GRIK3: variants seen among roughly 807,000 people sequenced by gnomAD.
The protein encoded by GRIK3 is glutamate receptor ionotropic, kainate 3.
A neutral mutation model predicts 102.5 loss-of-function variants in GRIK3; 29 were observed. The observed-to-expected ratio is 0.28, with a 90% CI of 0.21 to 0.39. The LOEUF is 0.39. GRIK3 is among the 10% of genes least tolerant of loss of function. The pLI is 1.00. For synonymous variants in GRIK3, 511 were observed against 504.9 expected (o/e 1.01, Z -0.16); for missense variants, 908 against 1,252.4 (o/e 0.73, Z 4.15).
intron 10 of GRIK3, among the ~76,000 whole-genome samples, chr1:36,826,720 C>T (rs1211692467): frequency 6.6e-6 from 1 of 151,474 alleles, no homozygotes; most frequent in Non-Finnish European, 1.5e-5. Flanking sequence ...GAAGCAAATC[C>T]AGGGCCTTTA....
chr1:36,926,624 C>T (rs11263951), intron 1 of GRIK3, among the ~76,000 whole-genome samples: 2,145 of 152,162 alleles, frequency 0.014, 55 homozygotes, highest in African/African-American at 0.049. Flanking sequence ...CTCCTGACCT[C>T]GTGATCTGTC....
intron 1 of GRIK3, among the ~76,000 whole-genome samples, chr1:37,005,204 A>C (rs1570859784): frequency 6.6e-6 from 1 of 152,150 alleles, no homozygotes; most frequent in African/African-American, 2.4e-5. Flanking sequence ...CTGGGTCCCC[A>C]CCTGATGCCA....
chr1:36,813,167 A>G (rs1398127525), intron 13 of GRIK3, among the ~76,000 whole-genome samples: 1 of 152,182 alleles, frequency 6.6e-6, no homozygotes, highest in Non-Finnish European at 1.5e-5. Context: ...TCTGCATTTC[A>G]CTAGCTGTGG....
intron 1 of GRIK3, among the ~76,000 whole-genome samples, chr1:36,923,703 C>T (rs1248493436): frequency 6.6e-6 from 1 of 152,208 alleles, no homozygotes; most frequent in East Asian, 1.9e-4. Context: ...TCATAGGCTT[C>T]TAGGATAAAT....
At chr1:36,857,017 C>T (rs2124236020) in intron 7 of GRIK3, among the ~76,000 whole-genome samples, 1 of 152,318 alleles carries the variant, frequency 6.6e-6, no homozygotes, top group East Asian at 1.9e-4. Flanking sequence ...GACACACGTG[C>T]CAAAACTCAC....
chr1:36,985,431 G>A (rs1389237059), intron 1 of GRIK3, among the ~76,000 whole-genome samples: 1 of 151,854 alleles, frequency 6.6e-6, no homozygotes, highest in Non-Finnish European at 1.5e-5. Context: ...CATCATTCGG[G>A]GACATGGGCC....
At chr1:36,917,074 C>T (rs1318859365) in intron 1 of GRIK3, among the ~76,000 whole-genome samples, 1 of 152,164 alleles carries the variant, frequency 6.6e-6, no homozygotes, top group East Asian at 1.9e-4. Flanking sequence ...GGGAACTTAC[C>T]TCTTGCATCA....
At chr1:36,969,589 A>G (rs969440731) in intron 1 of GRIK3, among the ~76,000 whole-genome samples, 4 of 152,366 alleles carry the variant, frequency 2.6e-5, no homozygotes, top group African/African-American at 9.6e-5. Flanking sequence ...GAGTAGAGAG[A>G]GTAGAGACCT....
chr1:36,982,113 G>C (rs1217827281), intron 1 of GRIK3, among the ~76,000 whole-genome samples: 1 of 152,192 alleles, frequency 6.6e-6, no homozygotes, highest in Non-Finnish European at 1.5e-5. Context: ...CACTCAGCCA[G>C]GACAGGTTAG....
intron 1 of GRIK3, among the ~76,000 whole-genome samples, chr1:36,943,444 T>C (rs1309478133): frequency 1.3e-5 from 2 of 152,024 alleles, no homozygotes; most frequent in African/African-American, 4.8e-5. Context: ...TCTGACTCCA[T>C]TTCCACCTCT....
intron 3 of GRIK3, among the ~76,000 whole-genome samples, chr1:36,877,445 C>A (rs541837239): frequency 6.6e-6 from 1 of 152,136 alleles, no homozygotes; most frequent in Non-Finnish European, 1.5e-5. Context: ...TCCTTCCAAC[C>A]CTCCCTGTGC....
intron 5 of GRIK3, among the ~76,000 whole-genome samples, chr1:36,868,108 A>G (rs1020884335): frequency 6.6e-6 from 1 of 152,144 alleles, no homozygotes; most frequent in Non-Finnish European, 1.5e-5. Flanking sequence ...TCAGCACCCT[A>G]AGATCTCAGG....
At chr1:36,921,988 G>C (rs1017719946) in intron 1 of GRIK3, among the ~76,000 whole-genome samples, 4 of 152,188 alleles carry the variant, frequency 2.6e-5, no homozygotes, top group African/African-American at 9.7e-5. Flanking sequence ...CCCTTAGAGA[G>C]GCATTTGTTT....
chr1:37,013,540 G>T (rs1475483479), intron 1 of GRIK3, among the ~76,000 whole-genome samples: 1 of 152,182 alleles, frequency 6.6e-6, no homozygotes, highest in Non-Finnish European at 1.5e-5. Flanking sequence ...GGCTCCCTTA[G>T]GGCTCTACAG....
At chr1:36,878,989 G>A (rs996769799) in intron 3 of GRIK3, among the ~76,000 whole-genome samples, 10 of 152,046 alleles carry the variant, frequency 6.6e-5, no homozygotes, top group African/African-American at 2.4e-4. Flanking sequence ...TCCTCACAAG[G>A]ATGACTTAAG....
intron 1 of GRIK3, among the ~76,000 whole-genome samples, chr1:36,944,350 T>C (rs1358676411): frequency 6.6e-6 from 1 of 150,918 alleles, no homozygotes; most frequent in African/African-American, 2.5e-5. Context: ...GAGATAAATA[T>C]CAGAGATGGC....
At chr1:36,836,442 A>G (rs913180372) in intron 10 of GRIK3, among the ~76,000 whole-genome samples, 1 of 152,242 alleles carries the variant, frequency 6.6e-6, no homozygotes, top group Non-Finnish European at 1.5e-5. Context: ...TTGGGACAGC[A>G]GCCAAGTTTA....
intron 1 of GRIK3, among the ~76,000 whole-genome samples, chr1:36,983,716 AC>A (rs146564639): frequency 2.6e-5 from 4 of 151,464 alleles, no homozygotes; most frequent in East Asian, 1.9e-4. Flanking sequence ...GCCCTCCTTG[AC>A]CCCCCCAGTT....
intron 1 of GRIK3, among the ~76,000 whole-genome samples, chr1:36,961,088 TG>T (rs1420843463): frequency 5.9e-5 from 9 of 152,252 alleles, no homozygotes; most frequent in Non-Finnish European, 1.3e-4. Flanking sequence ...ATCCTGTCCC[TG>T]TTTCGCTGGT....
Sources: gnomAD v4.1 joint callset for allele counts (sites outside exome capture counted in the v4.1 genomes callset) on GRCh38, gnomAD v4.1.1 for gene constraint, MANE v1.5 for transcripts, NCBI Gene and HGNC (gene_info 2026-07-23, HGNC 2026-07-21) for gene names.